Variants in INTS13 observed in about 807,000 individuals in gnomAD.
The protein encoded by INTS13 is integrator complex subunit 13.
In INTS13, 35 loss-of-function variants were observed where a neutral mutation model predicts 90.2. That is an observed-to-expected ratio of 0.39 (90% CI 0.30 to 0.51). The LOEUF is 0.51. INTS13 is among the 20% of genes least tolerant of loss of function. The probability of loss-of-function intolerance (pLI) is 0.80; values close to 1 mark genes in which losing one functional copy is unlikely to be tolerated. For missense variants in INTS13, 601 were observed against 851.2 expected, an observed-to-expected ratio of 0.71 and a Z score of 3.66; for synonymous variants, 309 against 277.1, an observed-to-expected ratio of 1.11 and a Z score of -1.14.
chr12:26,911,402 A>G, intron 14 of INTS13, 85 bp from the exon 15 acceptor site: 1 of 1,205,084 alleles, frequency 8.3e-7, no homozygotes, highest in African/African-American at 1.6e-5. Flanking sequence ...TTGCATATCA[A>G]CCTTTATAAA....
chr12:26,925,126 C>G (rs1379934506), intron 6 of INTS13, among the ~76,000 whole-genome samples: 1 of 152,002 alleles, frequency 6.6e-6, no homozygotes, highest in East Asian at 1.9e-4. Context: ...CTTAAAAACA[C>G]AATGATGGCA....
At chr12:26,928,515 C>A (rs1938009094) in intron 4 of INTS13, among the ~76,000 whole-genome samples, 188 bp downstream of exon 4, 1 of 147,036 alleles carries the variant, frequency 6.8e-6, no homozygotes, top group African/African-American at 2.5e-5. Flanking sequence ...TGAGATAAGT[C>A]TTTATTTTAG....
chr12:26,911,276 T>A lies in INTS13; in HGVS notation c.1847A>T (p.Glu616Val), dbSNP rs1157821382. ...AGGCGAATCTTTTATAATCTCAGCT[T>A]CAGCCAATTCTTCTTTTCCACGCTC... ...ILERGKEELAEAEIIKDSPDS... is the reference protein window; with the variant it reads ...ILERGKEELAVAEIIKDSPDS... Residue 616 changes from glutamate to valine, a missense_variant, in exon 15 of 17, where the codon GAA (glutamate) becomes GTA (valine). Glu to Val is a moderately radical substitution (Grantham distance 121). This residue lies in a region of INTS13 where 228 missense variants were observed against 272.5 expected (regional missense o/e 0.84). Transcript: ENST00000261191. 1 of 1,613,736 alleles carries A rather than the reference T, an allele frequency of 6.2e-7. No individual in the cohort carries two copies.
At chr12:26,930,918 A>G (rs1467987415) in intron 3 of INTS13, among the ~76,000 whole-genome samples, 3 of 152,220 alleles carry the variant, frequency 2.0e-5, no homozygotes, top group African/African-American at 7.2e-5. Context: ...TTTTTCAGGT[A>G]ATAGTATATT....
intron 15 of INTS13, among the ~76,000 whole-genome samples, chr12:26,908,810 T>C (rs1251452366): frequency 1.3e-5 from 2 of 152,204 alleles, no homozygotes; most frequent in Non-Finnish European, 2.9e-5. Context: ...CAGCCTCAAA[T>C]AGAAAGTTAC....
rs1293336309 is a variant in INTS13 at position 26,931,463 on chromosome 12, G to GAAAAAC, written c.301-2559_301-2558insGTTTTT. Among the ~76,000 whole-genome samples, 3 of 151,824 alleles carry GAAAAAC rather than the reference G, an allele frequency of 2.0e-5. No homozygotes were observed. The East Asian group carries it at 5.8e-4, about 29-fold the overall frequency. On this transcript the variant is annotated intron_variant, in intron 3 of 16. Transcript: ENST00000261191. Reference sequence around the variant, plus strand: ...TGTCTCAAAATAAATAAAAGAAAAAGAAAACAAACAAAAAATAATAAAAAC... The same window carrying GAAAAAC: ...TGTCTCAAAATAAATAAAAGAAAAAGAAAAACAAAACAAACAAAAAATAATAAAAAC...
At position 26,919,117 on chromosome 12, in the gene INTS13, T is replaced by C. The variant is rs1056450368; in HGVS notation, c.890-1384A>G. The C allele has an allele frequency of 1.1e-5, 3 of 282,654 alleles. 1 individual carries two copies. Among genetic ancestry groups the C allele is most frequent in the Admixed American group, 1.0e-4 (3 of 28,954 alleles). The allele number at this position is 282,654 out of a possible 1,614,324, so 17.5% of individuals were successfully genotyped here. A position where few individuals can be genotyped will look rare whatever the true frequency, so the allele number is the denominator to read the frequency against. ...GAGGGGTCGATGCTGCAGTGAGCTA[T>C]GATCACACTACTGTACTCCAGTCTG... On this transcript the variant is annotated intron_variant, in intron 8 of 16. Transcript: ENST00000261191.
At chr12:26,917,054 G>A (rs1402329550) in intron 10 of INTS13, among the ~76,000 whole-genome samples, 2 of 151,734 alleles carry the variant, frequency 1.3e-5, no homozygotes, top group African/African-American at 4.8e-5. Context: ...GACTCTGAAG[G>A]TCAAATTTTT....
intron 13 of INTS13, 52 bp from the exon 14 acceptor site, chr12:26,913,739 C>A (rs1449563924): frequency 6.9e-7 from 1 of 1,453,396 alleles, no homozygotes; most frequent in Non-Finnish European, 9.4e-7. Flanking sequence ...GTGTCACTTT[C>A]TAGTGGTAAA....
intron 8 of INTS13, 67 bp downstream of exon 8, chr12:26,922,549 T>A (rs191823177): frequency 8.3e-7 from 1 of 1,206,518 alleles, no homozygotes; most frequent in East Asian, 2.5e-5. Context: ...CCTGAGGATG[T>A]GGGGGCTACT....
chr12:26,926,944 TTAA>T (rs1161869052), intron 5 of INTS13, among the ~76,000 whole-genome samples: 1 of 152,118 alleles, frequency 6.6e-6, no homozygotes, highest in Non-Finnish European at 1.5e-5. Context: ...AGATACTGAG[TTAA>T]TAATCAATCA....
chr12:26,915,455 T>A (rs117036977), intron 11 of INTS13, among the ~76,000 whole-genome samples: 3 of 152,296 alleles, frequency 2.0e-5, no homozygotes, highest in East Asian at 3.9e-4. Context: ...TATAACAGTT[T>A]GTGGTTTACA....
intron 3 of INTS13, among the ~76,000 whole-genome samples, chr12:26,932,645 T>C (rs1056501305): frequency 9.2e-5 from 14 of 152,218 alleles, no homozygotes; most frequent in African/African-American, 3.4e-4. Context: ...CAGTAGCCAC[T>C]ATCTATGTGA....
chr12:26,922,569 T>C, intron 8 of INTS13, 47 bp downstream of exon 8: 1 of 1,427,980 alleles, frequency 7.0e-7, no homozygotes, highest in Non-Finnish European at 9.7e-7. Flanking sequence ...TGTAATATGC[T>C]TTCATATGTT....
chr12:26,934,669 A>C, intron 2 of INTS13, 39 bp from the exon 3 acceptor site: 1 of 1,366,898 alleles, frequency 7.3e-7, no homozygotes, highest in South Asian at 1.2e-5. Context: ...TTCAACTCTA[A>C]TTTCACTCAA....
At chr12:26,912,999 G>A (rs1951829393) in intron 14 of INTS13, among the ~76,000 whole-genome samples, 1 of 152,086 alleles carries the variant, frequency 6.6e-6, no homozygotes, top group South Asian at 2.1e-4. Context: ...CCAAAGTGCT[G>A]GGATTACAGG....
At chr12:26,923,593 A>G (rs557317791) in intron 7 of INTS13, among the ~76,000 whole-genome samples, 1 of 152,314 alleles carries the variant, frequency 6.6e-6, no homozygotes, top group East Asian at 1.9e-4. Context: ...GAAGCTTACT[A>G]TGGGCCGGGC....
intron 8 of INTS13, among the ~76,000 whole-genome samples, chr12:26,919,230 A>C (rs932732999): frequency 2.0e-5 from 3 of 152,182 alleles, no homozygotes; most frequent in Non-Finnish European, 4.4e-5. Flanking sequence ...CTATTCAGGC[A>C]AAAGAACAAT....
chr12:26,924,256 G>C, intron 7 of INTS13, 99 bp downstream of exon 7: 1 of 1,338,760 alleles, frequency 7.5e-7, no homozygotes, highest in Non-Finnish European at 1.0e-6. Context: ...GCCTCCCAAA[G>C]TGCTGGGATT....
Sources: gnomAD v4.1 joint callset for allele counts (sites outside exome capture counted in the v4.1 genomes callset) on GRCh38, gnomAD v4.1.1 for gene constraint, gnomAD v4.1.1 regional missense constraint, MANE v1.5 for transcripts, NCBI Gene and HGNC (gene_info 2026-07-23, HGNC 2026-07-21) for gene names.